POTEJ: variants seen among roughly 807,000 people sequenced by gnomAD.
POTEJ encodes the protein POTE ankyrin domain family member J.
POTEJ carries 11 observed loss-of-function variants against 69.0 expected under a neutral mutation model. That is an observed-to-expected ratio of 0.16 (90% CI 0.10 to 0.26). The LOEUF is 0.26. Among genes scored for constraint, POTEJ ranks in the 10% least tolerant of loss-of-function variants. The probability of loss-of-function intolerance (pLI) is 1.00; values close to 1 mark genes in which losing one functional copy is unlikely to be tolerated. For synonymous variants in POTEJ, 117 were observed against 381.1 expected (o/e 0.31, Z 8.07); for missense variants, 327 against 1,045.5 (o/e 0.31, Z 9.48).
chr2:130,652,973 G>A (rs1403706600), intron 13 of POTEJ, among the ~76,000 whole-genome samples: 4 of 141,916 alleles, frequency 2.8e-5, no homozygotes, highest in East Asian at 3.9e-4. Context: ...TCCTTTGTTA[G>A]CATCATAATT....
intron 13 of POTEJ, among the ~76,000 whole-genome samples, chr2:130,649,954 G>T (rs1308150111): frequency 3.9e-5 from 6 of 152,166 alleles, no homozygotes; most frequent in African/African-American, 1.5e-4. Flanking sequence ...ACCACTTCCT[G>T]AGGGAGAACC....
chr2:130,632,795 T>C (rs2105225317), intron 9 of POTEJ, 139 bp downstream of exon 9: 2 of 1,292,280 alleles, frequency 1.5e-6, no homozygotes, highest in Non-Finnish European at 2.1e-6. Flanking sequence ...AAAATGAAAA[T>C]CAGCGAACAA....
intron 6 of POTEJ, among the ~76,000 whole-genome samples, chr2:130,629,096 T>G (rs1441495977): frequency 6.6e-6 from 1 of 152,094 alleles, no homozygotes; most frequent in Non-Finnish European, 1.5e-5. Context: ...TGGGAAGACA[T>G]TGTACACTAA....
upstream of POTEJ, among the ~76,000 whole-genome samples, chr2:130,611,307 G>GT (rs1164919356): frequency 7.0e-6 from 1 of 142,608 alleles, no homozygotes; most frequent in Non-Finnish European, 1.5e-5. Context: ...CTTGGGGGGG[G>GT]GGGGGTTGGC....
chr2:130,611,230 GTTCCCTTGCTAGGC>G (rs1300156562), upstream of POTEJ, among the ~76,000 whole-genome samples: 1 of 129,004 alleles, frequency 7.8e-6, no homozygotes, highest in Non-Finnish European at 1.5e-5. Context: ...CCTCTCTCGC[GTTCCCTTGCTAGGC>G]TTGACCTTTT....
chr2:130,625,128 C>A (rs1685656325), intron 6 of POTEJ, among the ~76,000 whole-genome samples: 2 of 152,292 alleles, frequency 1.3e-5, no homozygotes, highest in African/African-American at 4.8e-5. Flanking sequence ...TATCAAAGAG[C>A]TTTTGTAAGT....
chr2:130,649,571 A>C (rs1686726809), intron 13 of POTEJ, among the ~76,000 whole-genome samples: 1 of 152,162 alleles, frequency 6.6e-6, no homozygotes. Context: ...TGTATTTAAA[A>C]CATAAGTCAA....
Position 130,611,692 on chromosome 2 carries a change from A to C in POTEJ, c.160A>C (p.Met54Leu). Residue 54 changes from methionine (M) to leucine (L), a missense_variant, in exon 1 of 15, where the codon ATG (methionine) becomes CTG (leucine). By Grantham distance (15) the Met-to-Leu change is conservative. Coordinates refer to ENST00000409602, the MANE Select transcript of POTEJ (RefSeq NM_001277083.2). ...TTCTGGAGACCAGGACGACTCCACT[A>C]TGAAGACACTCAGGAGCAAGATGGG... ...GTSGDQDDSTMKTLRSKMGKW... is the reference protein window; with the variant it reads ...GTSGDQDDSTLKTLRSKMGKW... 6.5e-7 allele frequency: 1 copy of C among 1,528,596 alleles called. No individual in the cohort carries two copies. Among genetic ancestry groups the C allele is most frequent in the South Asian group, 1.1e-5 (1 of 89,400 alleles). 94.7% of individuals were successfully genotyped at this position (1,528,596 alleles called of 1,614,324 possible).
chr2:130,612,577 G>A (rs1464923121), intron 1 of POTEJ, among the ~76,000 whole-genome samples: 6 of 152,212 alleles, frequency 3.9e-5, no homozygotes, highest in South Asian at 2.1e-4. Context: ...TGGCTAACAC[G>A]GTGAAACCCT....
intron 6 of POTEJ, among the ~76,000 whole-genome samples, chr2:130,624,794 G>T (rs1322233919): frequency 1.3e-5 from 2 of 152,172 alleles, no homozygotes; most frequent in South Asian, 2.1e-4. Flanking sequence ...TCCCAATAAG[G>T]TCTCACTATT....
At chr2:130,637,878 A>G (rs1686169245) in intron 9 of POTEJ, among the ~76,000 whole-genome samples, 1 of 148,038 alleles carries the variant, frequency 6.8e-6, no homozygotes, top group Non-Finnish European at 1.5e-5. Flanking sequence ...CTTAACATCC[A>G]TTGGTTTTTC....
intron 1 of POTEJ, among the ~76,000 whole-genome samples, chr2:130,613,280 GTA>G (rs1220376524): frequency 2.1e-5 from 1 of 47,222 alleles, no homozygotes; most frequent in African/African-American, 2.1e-4. Flanking sequence ...ATATACATAT[GTA>G]TATATACATA....
intron 10 of POTEJ, among the ~76,000 whole-genome samples, chr2:130,640,923 T>G (rs1264901969): frequency 6.6e-6 from 1 of 152,082 alleles, no homozygotes; most frequent in Non-Finnish European, 1.5e-5. Context: ...TGGAGAAATT[T>G]GAGCAGGGGA....
At chr2:130,627,145 A>C (rs545086439) in intron 6 of POTEJ, among the ~76,000 whole-genome samples, 1 of 151,980 alleles carries the variant, frequency 6.6e-6, no homozygotes, top group Non-Finnish European at 1.5e-5. Context: ...AAGAGCAAAG[A>C]GCAGCAGGTC....
intron 13 of POTEJ, among the ~76,000 whole-genome samples, chr2:130,647,900 T>A (rs2105254600): frequency 6.8e-6 from 1 of 146,056 alleles, no homozygotes; most frequent in East Asian, 1.9e-4. Flanking sequence ...TTATCCTCCC[T>A]TTGAGAAAAG....
intron 5 of POTEJ, chr2:130,623,072 T>C (rs1293590323): frequency 7.0e-6 from 1 of 142,318 alleles, no homozygotes; most frequent in Non-Finnish European, 1.5e-5. Flanking sequence ...TCATGTAAGA[T>C]GGTCTATGAG....
intron 10 of POTEJ, among the ~76,000 whole-genome samples, chr2:130,639,319 A>C (rs1458859192): frequency 6.6e-6 from 1 of 152,312 alleles, no homozygotes; most frequent in Non-Finnish European, 1.5e-5. Context: ...ACAGTGAAGC[A>C]CAGGTCATGT....
At chr2:130,639,096 G>C (rs1418194603) in intron 10 of POTEJ, among the ~76,000 whole-genome samples, 2 of 152,304 alleles carry the variant, frequency 1.3e-5, no homozygotes, top group African/African-American at 2.4e-5. Context: ...ACTGGAGGCA[G>C]AGTAGAGGCT....
chr2:130,622,662 A>G (rs1405554865), intron 5 of POTEJ, among the ~76,000 whole-genome samples: 2 of 139,600 alleles, frequency 1.4e-5, no homozygotes, highest in African/African-American at 5.8e-5. Context: ...TTACATGATA[A>G]TGAAAATTGT....
Sources: allele counts gnomAD v4.1 joint callset (sites outside exome capture counted in the v4.1 genomes callset), GRCh38; gene constraint gnomAD v4.1.1; transcripts MANE v1.5; gene names NCBI Gene and HGNC (gene_info 2026-07-23, HGNC 2026-07-21).